The following SYNJ2BP variants were observed in gnomAD, a reference collection of about 807,000 sequenced individuals.
SYNJ2BP encodes the protein synaptojanin 2 binding protein.
A neutral mutation model predicts 16.9 loss-of-function variants in SYNJ2BP; 10 were observed. The ratio of observed to expected loss-of-function variants is 0.59; its 90% CI spans 0.36 to 1.00. SYNJ2BP has a LOEUF of 1.00. SYNJ2BP is among the 50% of genes least tolerant of loss of function. The pLI is 0.01. For synonymous variants in SYNJ2BP, 54 were observed against 68.4 expected, an observed-to-expected ratio of 0.79 and a Z score of 1.04; for missense variants, 162 against 186.7, an observed-to-expected ratio of 0.87 and a Z score of 0.77.
intron 2 of SYNJ2BP, among the ~76,000 whole-genome samples, chr14:70,384,559 G>A (rs1219036239): frequency 6.6e-6 from 1 of 152,170 alleles, no homozygotes; most frequent in African/African-American, 2.4e-5. Context: ...GAAGAATTTT[G>A]AAGCAAACTC....
intron 1 of SYNJ2BP, among the ~76,000 whole-genome samples, chr14:70,416,496 T>C (rs1173087719): frequency 2.6e-5 from 4 of 152,018 alleles, no homozygotes; most frequent in African/African-American, 9.7e-5. Flanking sequence ...AAAACGGCTA[T>C]GCATTCAGAG....
chr14:70,375,560 C>T (rs1887611971), intron 3 of SYNJ2BP, 116 bp downstream of exon 3: 2 of 1,334,772 alleles, frequency 1.5e-6, no homozygotes, highest in Non-Finnish European at 2.0e-6. Flanking sequence ...CTGAGAAACT[C>T]TTCAGGGGAG....
At chr14:70,384,524 T>C (rs1291431848) in intron 2 of SYNJ2BP, among the ~76,000 whole-genome samples, 1 of 152,186 alleles carries the variant, frequency 6.6e-6, no homozygotes, top group Non-Finnish European at 1.5e-5. Context: ...TTTCATAGTA[T>C]TTCTTAACGA....
At chr14:70,412,633 C>CAGTATATATATGTATGTA (rs1386070231) in intron 1 of SYNJ2BP, among the ~76,000 whole-genome samples, 1 of 55,100 alleles carries the variant, frequency 1.8e-5, no homozygotes, top group Non-Finnish European at 4.5e-5. Context: ...TATATAGTAA[C>CAGTATATATATGTATGTA]TAGCACACTA....
At chr14:70,376,765 T>C (rs1398433561) in intron 2 of SYNJ2BP, among the ~76,000 whole-genome samples, 1 of 152,218 alleles carries the variant, frequency 6.6e-6, no homozygotes, top group East Asian at 1.9e-4. Context: ...CTAGGATTTG[T>C]AAATAATGAA....
chr14:70,388,684 G>A, intron 1 of SYNJ2BP, 78 bp from the exon 2 acceptor site: 2 of 1,396,740 alleles, frequency 1.4e-6, no homozygotes, highest in Non-Finnish European at 1.9e-6. Flanking sequence ...GAGAAAGGGA[G>A]GGAAAGCCTA....
At position 70,404,640 on chromosome 14, in the gene SYNJ2BP, C is replaced by T. The variant is rs1049300174; in HGVS notation, c.64+12260G>A. ...AAATTACCTTACTTCCTAGGTTCTTCACTGGAAATTAGGGTTACTAAGAGT... is the reference window on the plus strand; with the variant it reads ...AAATTACCTTACTTCCTAGGTTCTTTACTGGAAATTAGGGTTACTAAGAGT... On this transcript the variant is annotated intron_variant, in intron 1 of 3. Transcript: ENST00000256366. Among the ~76,000 whole-genome samples, 166 of 152,122 alleles carry T rather than the reference C, an allele frequency of 1.1e-3. 2 individuals are homozygous for T. The highest frequency in any genetic ancestry group is 1.2e-4 in the Non-Finnish European group (8 of 68,018).
intron 2 of SYNJ2BP, among the ~76,000 whole-genome samples, chr14:70,387,419 T>G (rs992798176): frequency 6.6e-6 from 1 of 152,246 alleles, no homozygotes; most frequent in Non-Finnish European, 1.5e-5. Context: ...TAATTTATTT[T>G]AAGACCTGAG....
At chr14:70,387,830 C>CAAAA (rs1224467128) in intron 2 of SYNJ2BP, among the ~76,000 whole-genome samples, 17 of 98,270 alleles carry the variant, frequency 1.7e-4, no homozygotes, top group Non-Finnish European at 1.9e-4. Flanking sequence ...GAATCTATCT[C>CAAAA]AAAAAAAAAA....
intron 1 of SYNJ2BP, among the ~76,000 whole-genome samples, chr14:70,396,923 C>T (rs989573459): frequency 6.6e-6 from 1 of 152,096 alleles, no homozygotes; most frequent in Non-Finnish European, 1.5e-5. Context: ...ATACTATCTC[C>T]CATTCTGTGG....
intron 1 of SYNJ2BP, among the ~76,000 whole-genome samples, chr14:70,392,538 A>G (rs756598611): frequency 1.1e-4 from 16 of 152,202 alleles, no homozygotes; most frequent in Non-Finnish European, 2.4e-4. Context: ...CTCTATTGGG[A>G]TAAGGCGCTA....
chr14:70,411,287 T>C lies in SYNJ2BP; in HGVS notation c.64+5613A>G, dbSNP rs188953604. 2.0e-5 allele frequency among the ~76,000 whole-genome samples: 3 copies of C among 152,286 alleles called. No individual in the cohort carries two copies. The East Asian group carries it at 5.8e-4, about 29-fold the overall frequency. ...AAGGGGACAAGATACAGTGCTTAGCTTGGCAATACATGGGAATACATTACA... is the reference window on the plus strand; with the variant it reads ...AAGGGGACAAGATACAGTGCTTAGCCTGGCAATACATGGGAATACATTACA... On this transcript the variant is annotated intron_variant, in intron 1 of 3. Transcript: ENST00000256366.
At chr14:70,401,472 G>A (rs1888233763) in intron 1 of SYNJ2BP, among the ~76,000 whole-genome samples, 1 of 149,854 alleles carries the variant, frequency 6.7e-6, no homozygotes, top group Admixed American at 6.6e-5. Context: ...GCTATCTTTT[G>A]TGGGGGGGAA....
At position 70,416,773 on chromosome 14, in the gene SYNJ2BP, G is replaced by T. The variant is rs553328575; in HGVS notation, c.64+127C>A. 8 of 1,397,152 alleles carry T rather than the reference G, an allele frequency of 5.7e-6. No individual in the cohort carries two copies. The African/African-American group carries it at 1.1e-4, about 20-fold the overall frequency. The allele number at this position is 1,397,152 out of a possible 1,614,324, so 86.5% of individuals were successfully genotyped here. A position where few individuals can be genotyped will look rare whatever the true frequency, so the allele number is the denominator to read the frequency against. ...ATATTTTCTCTAAGCACCCCGAAGCGTTGCACGAAACCTCTAGGTTGTGGC... is the reference window on the plus strand; with the variant it reads ...ATATTTTCTCTAAGCACCCCGAAGCTTTGCACGAAACCTCTAGGTTGTGGC... On this transcript the variant is annotated intron_variant, in intron 1 of 3. Coordinates refer to ENST00000256366, the MANE Select transcript of SYNJ2BP (RefSeq NM_018373.3).
intron 2 of SYNJ2BP, among the ~76,000 whole-genome samples, chr14:70,378,424 CT>C (rs34309608): frequency 0.15 from 17,025 of 109,932 alleles, 522 homozygotes; most frequent in East Asian, 0.4. Context: ...TTCCTTCAAA[CT>C]TTTTTTTTTT....
intron 1 of SYNJ2BP, among the ~76,000 whole-genome samples, chr14:70,404,186 A>G (rs1888300018): frequency 6.6e-6 from 1 of 151,296 alleles, no homozygotes; most frequent in South Asian, 2.1e-4. Context: ...AAAAAAAAAA[A>G]TTAGCAGGGC....
rs1421983947 is a variant in SYNJ2BP at position 70,413,768 on chromosome 14, C to T, written c.64+3132G>A. 2.0e-5 allele frequency among the ~76,000 whole-genome samples: 3 copies of T among 152,240 alleles called. 1 individual carries two copies. The highest frequency in any genetic ancestry group is 7.2e-5 in the African/African-American group (3 of 41,466). On this transcript the variant is annotated intron_variant, in intron 1 of 3. Transcript: ENST00000256366. The stretch of plus-strand genomic sequence containing the variant: ...ATTACTTCCCTTGCAGTAAGCAGAT[C>T]AGTCAGGAACAGGTTCGACTGCCTT...
At chr14:70,393,181 T>C (rs1321539911) in intron 1 of SYNJ2BP, among the ~76,000 whole-genome samples, 1 of 152,196 alleles carries the variant, frequency 6.6e-6, no homozygotes, top group Non-Finnish European at 1.5e-5. Context: ...AAAGAAGACA[T>C]TTATACGGCC....
Position 70,369,430 on chromosome 14 carries a change from G to A in SYNJ2BP, c.*3561C>T, listed in dbSNP as rs927513977. On this transcript the variant is annotated 3_prime_UTR_variant, in exon 4 of 4. Coordinates refer to ENST00000256366, the MANE Select transcript of SYNJ2BP (RefSeq NM_018373.3). ...CTTTTCTAACAAGTTCCCCAGTAAC[G>A]CTGATGCTTTTGTCAGGACCTTGCT... 11 of 152,182 alleles carry A rather than the reference G, an allele frequency of 7.2e-5. No homozygotes were observed. The highest frequency in any genetic ancestry group is 2.7e-4 in the African/African-American group (11 of 41,454). 9.4% of individuals were successfully genotyped at this position (152,182 alleles called of 1,614,324 possible).
Sources: allele counts gnomAD v4.1 joint callset (sites outside exome capture counted in the v4.1 genomes callset), GRCh38; gene constraint gnomAD v4.1.1; transcripts MANE v1.5; gene names NCBI Gene and HGNC (gene_info 2026-07-23, HGNC 2026-07-21).